SPAG17: variants seen among roughly 807,000 people sequenced by gnomAD.
SPAG17 encodes sperm-associated antigen 17.
In SPAG17, 169 loss-of-function variants were observed where a neutral mutation model predicts 273.6. The observed-to-expected ratio is 0.62, with a 90% CI of 0.55 to 0.70. SPAG17 has a LOEUF of 0.70. Among genes scored for constraint, SPAG17 ranks in the 30% least tolerant of loss-of-function variants. The pLI, the probability that SPAG17 is intolerant of heterozygous loss-of-function variation, is 0.00. For missense variants in SPAG17, 2,557 were observed against 2,627.8 expected (o/e 0.97, Z 0.59); for synonymous variants, 825 against 873.2 (o/e 0.94, Z 0.97).
At chr1:117,994,749 G>A (rs540076787) in intron 34 of SPAG17, among the ~76,000 whole-genome samples, 32 of 152,220 alleles carry the variant, frequency 2.1e-4, no homozygotes, top group Admixed American at 1.8e-3. Flanking sequence ...TCACCTGGAA[G>A]TATTCATTGA....
chr1:118,099,482 G>T lies in SPAG17; in HGVS notation c.829+124C>A. The T allele has an allele frequency of 3.9e-6, 4 of 1,037,038 alleles. No individual in the cohort carries two copies. In the South Asian group the frequency reaches 5.8e-5, roughly 15 times the overall value. 64.2% of individuals were successfully genotyped at this position (1,037,038 alleles called of 1,614,324 possible). ...CAAGCAGAGTAAATGGCAAATCAAAGTCTTGAAAAGATTTAATAATGTACT... is the reference window on the plus strand; with the variant it reads ...CAAGCAGAGTAAATGGCAAATCAAATTCTTGAAAAGATTTAATAATGTACT... On this transcript the variant is annotated intron_variant, in intron 6 of 48. Transcript: ENST00000336338.
chr1:117,969,399 T>C (rs954539727), intron 46 of SPAG17, among the ~76,000 whole-genome samples: 24 of 152,016 alleles, frequency 1.6e-4, no homozygotes, highest in African/African-American at 5.3e-4. Context: ...ACTAGCATGG[T>C]GAAACCCTGT....
At chr1:118,065,731 C>A (rs529267782) in intron 18 of SPAG17, among the ~76,000 whole-genome samples, 116 of 151,974 alleles carry the variant, frequency 7.6e-4, no homozygotes, top group African/African-American at 2.7e-3. Flanking sequence ...CCAGAAAAAT[C>A]ATTTAATTGA....
At chr1:118,164,250 A>G (rs976454488) in intron 1 of SPAG17, among the ~76,000 whole-genome samples, 3 of 152,210 alleles carry the variant, frequency 2.0e-5, no homozygotes, top group African/African-American at 7.2e-5. Context: ...TGACTTCTTG[A>G]TGAACATTTC....
chr1:118,168,776 C>G (rs1189132302), intron 1 of SPAG17, among the ~76,000 whole-genome samples: 2 of 151,994 alleles, frequency 1.3e-5, no homozygotes, highest in Non-Finnish European at 2.9e-5. Flanking sequence ...CAGTGAGGGC[C>G]CTAATGGTGT....
chr1:117,971,854 T>G lies in SPAG17; in HGVS notation c.6326+9A>C. On this transcript the variant is annotated intron_variant, in intron 45 of 48. Transcript: ENST00000336338. ...TAACCTGAGCAGACCTTTGGTCCCT[T>G]GGCCTCACCTGCAGAAGTCCACTCC... The G allele has an allele frequency of 1.2e-6, 2 of 1,611,112 alleles. No homozygotes were observed. The highest frequency in any genetic ancestry group is 1.7e-6 in the Non-Finnish European group (2 of 1,178,476).
chr1:118,145,727 T>A (rs565810876), intron 3 of SPAG17, among the ~76,000 whole-genome samples: 1 of 151,922 alleles, frequency 6.6e-6, no homozygotes, highest in Non-Finnish European at 1.5e-5. Context: ...AAAAAAAAAA[T>A]TAATAATTAT....
intron 41 of SPAG17, among the ~76,000 whole-genome samples, chr1:117,984,281 T>C (rs1656166966): frequency 6.6e-6 from 1 of 152,160 alleles, no homozygotes; most frequent in South Asian, 2.1e-4. Flanking sequence ...TTCCAAGAAC[T>C]CACAATCTCT....
At chr1:118,177,260 A>T (rs1392449632) in intron 1 of SPAG17, among the ~76,000 whole-genome samples, 3 of 152,208 alleles carry the variant, frequency 2.0e-5, no homozygotes, top group Non-Finnish European at 4.4e-5. Context: ...GTGGAAGATG[A>T]AGGAGAAGCA....
chr1:118,012,461 C>A, intron 29 of SPAG17, 89 bp from the exon 30 acceptor site: 2 of 1,392,186 alleles, frequency 1.4e-6, no homozygotes, highest in Non-Finnish European at 1.9e-6. Context: ...GAAGATGGCA[C>A]CATCAAAGTC....
intron 41 of SPAG17, 121 bp from the exon 42 acceptor site, chr1:117,984,034 C>T: frequency 3.7e-6 from 2 of 541,226 alleles, no homozygotes; most frequent in Admixed American, 6.0e-5. Flanking sequence ...ATAAAGTTTA[C>T]AAACTAAAAT....
At chr1:118,183,866 A>G (rs758877010) in intron 1 of SPAG17, among the ~76,000 whole-genome samples, 12 of 152,218 alleles carry the variant, frequency 7.9e-5, no homozygotes, top group Non-Finnish European at 4.4e-5. Flanking sequence ...TATAAAAGCA[A>G]AAGAGAGGGT....
Position 118,013,990 on chromosome 1 carries a change from G to A in SPAG17, c.4288-1618C>T, listed in dbSNP as rs1292951399. Among the ~76,000 whole-genome samples the A allele has an allele frequency of 2.0e-5, 3 of 152,146 alleles. No individual in the cohort carries two copies. In the East Asian group the frequency reaches 5.8e-4, roughly 29 times the overall value. On this transcript the variant is annotated intron_variant, in intron 29 of 48. Transcript: ENST00000336338. The stretch of plus-strand genomic sequence containing the variant: ...GAAACACAGGTCTGCCTCACCCCAA[G>A]GGCAGTGCTCATTCCTTTAGAATGT...
intron 3 of SPAG17, among the ~76,000 whole-genome samples, chr1:118,138,813 C>T (rs995097701): frequency 1.3e-5 from 2 of 152,112 alleles, no homozygotes; most frequent in African/African-American, 4.8e-5. Context: ...AACGCTTCTA[C>T]AATACTTACT....
chr1:118,057,730 C>T (rs984727402), intron 18 of SPAG17, among the ~76,000 whole-genome samples: 25 of 151,990 alleles, frequency 1.6e-4, no homozygotes, highest in African/African-American at 6.0e-4. Context: ...TGTAACTATG[C>T]TACTTATTTG....
intron 7 of SPAG17, among the ~76,000 whole-genome samples, chr1:118,097,109 C>A (rs1655758773): frequency 6.6e-6 from 1 of 151,956 alleles, no homozygotes. Context: ...GTGGCACGTG[C>A]CTGTAGTCCC....
chr1:118,108,237 T>C (rs983444776), intron 4 of SPAG17, among the ~76,000 whole-genome samples: 1 of 152,216 alleles, frequency 6.6e-6, no homozygotes, highest in African/African-American at 2.4e-5. Flanking sequence ...GTCCCTTTAA[T>C]TCTGGAGAGT....
At chr1:118,120,353 G>A (rs1028573627) in intron 3 of SPAG17, among the ~76,000 whole-genome samples, 11 of 152,000 alleles carry the variant, frequency 7.2e-5, no homozygotes, top group Non-Finnish European at 1.5e-5. Context: ...ATAGCCACAA[G>A]TGGCTAGTGG....
intron 6 of SPAG17, 49 bp downstream of exon 6, chr1:118,099,557 C>CA (rs1234931935): frequency 1.4e-6 from 2 of 1,459,600 alleles, no homozygotes; most frequent in Admixed American, 3.5e-5. Flanking sequence ...ACTTTAAGGA[C>CA]AGTGGGTAAT....
Sources: allele counts gnomAD v4.1 joint callset (sites outside exome capture counted in the v4.1 genomes callset), GRCh38; gene constraint gnomAD v4.1.1; transcripts MANE v1.5; gene names NCBI Gene and HGNC (gene_info 2026-07-23, HGNC 2026-07-21).